SLC13A3: variants seen among roughly 807,000 people sequenced by gnomAD.
SLC13A3 encodes the protein solute carrier family 13 member 3.
A neutral mutation model predicts 59.0 loss-of-function variants in SLC13A3; 40 were observed. The ratio of observed to expected loss-of-function variants is 0.68; its 90% CI spans 0.53 to 0.88. The LOEUF (loss-of-function observed/expected upper bound fraction) is 0.88, where lower values mean the gene tolerates loss of function less well. SLC13A3 is among the 40% of genes least tolerant of loss of function. The pLI is 0.00. For missense variants in SLC13A3, 699 were observed against 783.2 expected, an observed-to-expected ratio of 0.89 and a Z score of 1.28; for synonymous variants, 317 against 330.3, an observed-to-expected ratio of 0.96 and a Z score of 0.44.
In SLC13A3 at chr20:46,575,723, G is replaced by A. The variant is rs112656825; in HGVS notation, c.1220-38C>T. The A allele has an allele frequency of 2.0e-4, 275 of 1,356,258 alleles. 1 individual carries two copies. In the African/African-American group the frequency reaches 3.1e-3, roughly 15 times the overall value. 84.0% of individuals were successfully genotyped at this position (1,356,258 alleles called of 1,614,324 possible). A position where few individuals can be genotyped will look rare whatever the true frequency, so the allele number is the denominator to read the frequency against. The stretch of plus-strand genomic sequence containing the variant: ...AGGGATTCAGCACACACTCAGGGCC[G>A]CTCAGCCTGAGGCAGAGGCCACCAG... On this transcript the variant is annotated intron_variant, in intron 9 of 12. Coordinates refer to ENST00000279027, the MANE Select transcript of SLC13A3 (RefSeq NM_022829.6).
intron 9 of SLC13A3, chr20:46,583,057 A>G (rs1287849452): frequency 3.0e-6 from 3 of 985,762 alleles, no homozygotes; most frequent in Non-Finnish European, 3.6e-6. Flanking sequence ...CCAAGGTGCA[A>G]CTCCTGCTTT....
intron 4 of SLC13A3, 139 bp downstream of exon 4, chr20:46,599,832 G>A (rs2062354378): frequency 2.0e-6 from 1 of 512,116 alleles, no homozygotes. Context: ...CCACAGAGAT[G>A]AATGGTGGAA....
intron 10 of SLC13A3, among the ~76,000 whole-genome samples, chr20:46,568,933 G>A (rs138030942): frequency 1.6e-4 from 25 of 152,266 alleles, no homozygotes; most frequent in East Asian, 3.9e-4. Flanking sequence ...CGCCTGTTGC[G>A]TAGGGTTCTA....
In SLC13A3 at chr20:46,590,731, T is replaced by C. The variant is rs6011992; in HGVS notation, c.921-1476A>G. Among the ~76,000 whole-genome samples, 92 of 152,316 alleles carry C rather than the reference T, an allele frequency of 6.0e-4. 1 individual carries two copies. The highest frequency in any genetic ancestry group is 2.1e-3 in the African/African-American group (88 of 41,576). ...AAACATGTACGATTTTTATGAAGAATGATTTGATAATATCTATTAAAATAA... is the reference window on the plus strand; with the variant it reads ...AAACATGTACGATTTTTATGAAGAACGATTTGATAATATCTATTAAAATAA... On this transcript the variant is annotated intron_variant, in intron 6 of 12. Coordinates refer to ENST00000279027, the MANE Select transcript of SLC13A3 (RefSeq NM_022829.6).
intron 1 of SLC13A3, among the ~76,000 whole-genome samples, chr20:46,636,328 C>T (rs568240157): frequency 3.5e-4 from 54 of 152,270 alleles, no homozygotes; most frequent in Non-Finnish European, 6.2e-4. Context: ...TGTGACTGTC[C>T]GGTTCACTGT....
At chr20:46,677,924 T>TTAGG (rs1312865564) in intron 1 of SLC13A3, among the ~76,000 whole-genome samples, 1 of 152,236 alleles carries the variant, frequency 6.6e-6, no homozygotes, top group Non-Finnish European at 1.5e-5. Flanking sequence ...AGAAGCCAGA[T>TTAGG]GTCTAGATTT....
At chr20:46,616,125 T>A (rs2062551653) in intron 1 of SLC13A3, among the ~76,000 whole-genome samples, 1 of 152,328 alleles carries the variant, frequency 6.6e-6, no homozygotes, top group African/African-American at 2.4e-5. Flanking sequence ...AGTTTTGATT[T>A]GTCATCATCC....
intron 1 of SLC13A3, among the ~76,000 whole-genome samples, chr20:46,627,159 C>T (rs1424820844): frequency 6.6e-6 from 1 of 152,178 alleles, no homozygotes; most frequent in Non-Finnish European, 1.5e-5. Context: ...ATTCTCAGTG[C>T]CTCAACAGGT....
upstream of SLC13A3, among the ~76,000 whole-genome samples, chr20:46,671,374 C>T (rs1312976137): frequency 6.6e-6 from 1 of 152,166 alleles, no homozygotes; most frequent in Admixed American, 6.5e-5. Context: ...TTGTTTCCTT[C>T]CCTTCCCTTC....
At chr20:46,578,049 T>C (rs1386173539) in intron 9 of SLC13A3, among the ~76,000 whole-genome samples, 1 of 152,066 alleles carries the variant, frequency 6.6e-6, no homozygotes, top group Admixed American at 6.5e-5. Context: ...TCGCCCAGGC[T>C]GGAGTGCAGT....
intron 6 of SLC13A3, among the ~76,000 whole-genome samples, chr20:46,589,599 C>G (rs989411331): frequency 5.9e-5 from 9 of 152,128 alleles, no homozygotes; most frequent in Non-Finnish European, 1.2e-4. Flanking sequence ...AATAAAATTG[C>G]TATCTCAGAT....
chr20:46,637,655 A>G (rs1885048808), intron 1 of SLC13A3, among the ~76,000 whole-genome samples: 1 of 152,082 alleles, frequency 6.6e-6, no homozygotes. Flanking sequence ...GGCCAGATAC[A>G]CCCCTAAGTA....
intron 1 of SLC13A3, among the ~76,000 whole-genome samples, chr20:46,630,837 T>G (rs1047656691): frequency 3.3e-5 from 5 of 152,234 alleles, no homozygotes; most frequent in African/African-American, 1.2e-4. Context: ...TTCTTCCACA[T>G]TCTAGCTGTT....
At chr20:46,675,547 CT>C (rs927949030) in intron 1 of SLC13A3, among the ~76,000 whole-genome samples, 18 of 148,790 alleles carry the variant, frequency 1.2e-4, no homozygotes, top group Middle Eastern at 3.5e-3. Context: ...TGCCCGGCCC[CT>C]TTTTTTTTCT....
chr20:46,595,976 C>T (rs1489272386), intron 5 of SLC13A3, among the ~76,000 whole-genome samples, 181 bp downstream of exon 5: 2 of 152,192 alleles, frequency 1.3e-5, no homozygotes, highest in Non-Finnish European at 2.9e-5. Context: ...TATTGCCTGT[C>T]TCTCCCGCCA....
intron 1 of SLC13A3, among the ~76,000 whole-genome samples, chr20:46,658,957 T>C (rs1356946136): frequency 2.0e-5 from 3 of 152,218 alleles, no homozygotes; most frequent in Non-Finnish European, 2.9e-5. Flanking sequence ...CCACTTTATC[T>C]GATATTTAAA....
chr20:46,670,495 A>G (rs149796003), upstream of SLC13A3, among the ~76,000 whole-genome samples: 11 of 152,340 alleles, frequency 7.2e-5, no homozygotes, highest in East Asian at 1.7e-3. Context: ...TGATGCAAAC[A>G]AAGACTTAAT....
intron 9 of SLC13A3, among the ~76,000 whole-genome samples, chr20:46,577,075 A>AAGCCCACCGGTGTATGC (rs2062085358): frequency 5.0e-5 from 2 of 39,608 alleles, no homozygotes; most frequent in African/African-American, 1.7e-4. Flanking sequence ...CAGACGTATG[A>AAGCCCACCGGTGTATGC]AGCCCACAGA....
intron 1 of SLC13A3, among the ~76,000 whole-genome samples, chr20:46,683,713 G>A (rs183581428): frequency 2.0e-5 from 3 of 152,220 alleles, no homozygotes; most frequent in Non-Finnish European, 2.9e-5. Flanking sequence ...GTGGGTCCCT[G>A]TCCTTGATCT....
Sources: allele counts gnomAD v4.1 joint callset (sites outside exome capture counted in the v4.1 genomes callset), GRCh38; gene constraint gnomAD v4.1.1; transcripts MANE v1.5; gene names NCBI Gene and HGNC (gene_info 2026-07-23, HGNC 2026-07-21).